HNF4G: variants seen among roughly 807,000 people sequenced by gnomAD.
HNF4G encodes hepatocyte nuclear factor 4 gamma.
A neutral mutation model predicts 50.9 loss-of-function variants in HNF4G; 21 were observed. The ratio of observed to expected loss-of-function variants is 0.41; its 90% CI spans 0.29 to 0.59. HNF4G has a LOEUF of 0.59. HNF4G is among the 20% of genes least tolerant of loss of function. The probability of loss-of-function intolerance (pLI) is 0.26; values close to 1 mark genes in which losing one functional copy is unlikely to be tolerated. For missense variants in HNF4G, 527 were observed against 559.4 expected, an observed-to-expected ratio of 0.94 and a Z score of 0.58; for synonymous variants, 198 against 185.6, an observed-to-expected ratio of 1.07 and a Z score of -0.54.
rs186271109 is a variant in HNF4G, at chr8:75,556,925, G to A, written c.733+856G>A. Among the ~76,000 whole-genome samples, 50 of 152,084 alleles carry A rather than the reference G, an allele frequency of 3.3e-4. No homozygotes were observed. The East Asian group carries it at 9.3e-3, about 28-fold the overall frequency. On this transcript the variant is annotated intron_variant, in intron 6 of 9. Coordinates refer to ENST00000396423, the MANE Select transcript of HNF4G (RefSeq NM_004133.5). Reference sequence around the variant, plus strand: ...ATTTAATCCTTGAAATAGCCCTAAGGGATTAGTACTACTATTTTCAGCCCA... The same window carrying A: ...ATTTAATCCTTGAAATAGCCCTAAGAGATTAGTACTACTATTTTCAGCCCA...
intron 2 of HNF4G, among the ~76,000 whole-genome samples, chr8:75,527,724 C>T (rs879399881): frequency 6.6e-6 from 1 of 152,150 alleles, no homozygotes; most frequent in African/African-American, 2.4e-5. Flanking sequence ...CACCATTTAG[C>T]TGTTTTGATA....
chr8:75,488,225 G>A (rs1585887954), intron 1 of HNF4G, among the ~76,000 whole-genome samples: 1 of 152,204 alleles, frequency 6.6e-6, no homozygotes, highest in East Asian at 1.9e-4. Flanking sequence ...AATCACTGTT[G>A]TTAAATGTAA....
intron 2 of HNF4G, among the ~76,000 whole-genome samples, chr8:75,497,804 G>A (rs1276050325): frequency 6.6e-6 from 1 of 151,798 alleles, no homozygotes; most frequent in Non-Finnish European, 1.5e-5. Context: ...CTATAATATG[G>A]TAAGTCAGTT....
intron 1 of HNF4G, among the ~76,000 whole-genome samples, chr8:75,425,499 A>G (rs1417326395): frequency 6.6e-6 from 1 of 150,982 alleles, no homozygotes; most frequent in Non-Finnish European, 1.5e-5. Flanking sequence ...TTGCTTTTAA[A>G]TGATTTTTTT....
At chr8:75,541,080 C>A (rs1406852587) in intron 1 of HNF4G, among the ~76,000 whole-genome samples, 1 of 151,998 alleles carries the variant, frequency 6.6e-6, no homozygotes, top group Non-Finnish European at 1.5e-5. Flanking sequence ...GTGCAACTTT[C>A]AGGAAATCAC....
chr8:75,474,411 A>G (rs886758635), intron 1 of HNF4G, among the ~76,000 whole-genome samples: 4 of 152,162 alleles, frequency 2.6e-5, no homozygotes, highest in Non-Finnish European at 5.9e-5. Flanking sequence ...GAAATTGTAT[A>G]ACTTTGACCA....
At position 75,558,566 on chromosome 8, in the gene HNF4G, G is replaced by T; in HGVS notation, c.782G>T (p.Arg261Leu). The stretch of plus-strand genomic sequence containing the variant: ...AACAGCTGTGAAGTTGAGATTAGCC[G>T]TGTGGCCAATCGTGTTCTAGATGAG... Reference protein sequence around the residue: ...HRNSCEVEISRVANRVLDELV... With the variant: ...HRNSCEVEISLVANRVLDELV... The change falls in exon 7 of 10, where the codon CGT (arginine) becomes CTT (leucine). Residue 261 changes from arginine to leucine, a missense_variant. Coordinates refer to ENST00000396423, the MANE Select transcript of HNF4G (RefSeq NM_004133.5). 1.2e-6 allele frequency: 2 copies of T among 1,613,446 alleles called. No homozygotes were observed. The highest frequency in any genetic ancestry group is 1.3e-5 in the African/African-American group (1 of 75,008).
intron 7 of HNF4G, 38 bp from the exon 8 acceptor site, chr8:75,558,763 G>A: frequency 6.3e-7 from 1 of 1,589,898 alleles, no homozygotes; most frequent in Non-Finnish European, 8.6e-7. Flanking sequence ...CTGTAATTAG[G>A]TTAAATCTGT....
intron 3 of HNF4G, among the ~76,000 whole-genome samples, chr8:75,548,299 G>T (rs553047498): frequency 2.0e-5 from 3 of 152,078 alleles, no homozygotes; most frequent in Admixed American, 6.6e-5. Context: ...TGTATTTTTT[G>T]TTGTTGTTGT....
At chr8:75,550,970 G>T (rs1419299365) in intron 3 of HNF4G, among the ~76,000 whole-genome samples, 1 of 152,042 alleles carries the variant, frequency 6.6e-6, no homozygotes. Flanking sequence ...ATAGAGAAAA[G>T]AAAATGGAAG....
At chr8:75,497,443 T>C (rs1812800212) in intron 2 of HNF4G, among the ~76,000 whole-genome samples, 3 of 152,124 alleles carry the variant, frequency 2.0e-5, no homozygotes, top group Non-Finnish European at 2.9e-5. Context: ...CCCAACACTT[T>C]GGGAGGCCGA....
chr8:75,480,015 T>C (rs1412185537), intron 1 of HNF4G, among the ~76,000 whole-genome samples: 2 of 152,126 alleles, frequency 1.3e-5, no homozygotes, highest in African/African-American at 4.8e-5. Context: ...AAAAAAGTGT[T>C]ATTTTTTGGA....
intron 2 of HNF4G, among the ~76,000 whole-genome samples, chr8:75,514,724 T>C (rs1391122809): frequency 2.0e-5 from 3 of 152,186 alleles, no homozygotes; most frequent in Non-Finnish European, 1.5e-5. Context: ...TTGTTACTGC[T>C]GTTTACATTG....
intron 1 of HNF4G, 39 bp from the exon 2 acceptor site, chr8:75,543,772 G>A: frequency 6.5e-7 from 1 of 1,543,152 alleles, no homozygotes; most frequent in South Asian, 1.2e-5. Context: ...TCAGGAAATA[G>A]TACTAACTCT....
At chr8:75,457,477 T>A (rs1042656126) in intron 1 of HNF4G, among the ~76,000 whole-genome samples, 6 of 152,180 alleles carry the variant, frequency 3.9e-5, no homozygotes, top group African/African-American at 1.4e-4. Flanking sequence ...TTAACTAAAC[T>A]GAACGTGTCC....
intron 2 of HNF4G, among the ~76,000 whole-genome samples, chr8:75,509,553 C>T (rs1013461969): frequency 5.3e-5 from 8 of 152,242 alleles, no homozygotes; most frequent in Admixed American, 2.6e-4. Flanking sequence ...TTAGATAAGG[C>T]TCATCAATGG....
At chr8:75,534,457 C>T (rs892282377) in intron 2 of HNF4G, among the ~76,000 whole-genome samples, 1 of 151,804 alleles carries the variant, frequency 6.6e-6, no homozygotes, top group Non-Finnish European at 1.5e-5. Context: ...TTACATTTAG[C>T]TCAGAGCTGT....
intron 1 of HNF4G, among the ~76,000 whole-genome samples, chr8:75,454,168 G>A (rs1386461253): frequency 6.8e-6 from 1 of 147,986 alleles, no homozygotes; most frequent in East Asian, 2.1e-4. Context: ...TGAGGACACA[G>A]CAAGAAGGCA....
At chr8:75,416,283 G>A (rs1020483391) in intron 1 of HNF4G, among the ~76,000 whole-genome samples, 1 of 151,876 alleles carries the variant, frequency 6.6e-6, no homozygotes, top group Non-Finnish European at 1.5e-5. Flanking sequence ...TTCTGCATAC[G>A]GCTGACATGC....
Sources: gnomAD v4.1 joint callset for allele counts (sites outside exome capture counted in the v4.1 genomes callset) on GRCh38, gnomAD v4.1.1 for gene constraint, MANE v1.5 for transcripts, NCBI Gene and HGNC (gene_info 2026-07-23, HGNC 2026-07-21) for gene names.